Variants in LPCAT1 observed in about 807,000 individuals in gnomAD.
LPCAT1 encodes the protein lysophosphatidylcholine acyltransferase 1, also known as 1-acylglycerol-3-phosphate O-acyltransferase.
LPCAT1 carries 23 observed loss-of-function variants against 60.9 expected under a neutral mutation model. The observed-to-expected ratio is 0.38, with a 90% CI of 0.27 to 0.53. The LOEUF is 0.53. LPCAT1 is among the 20% of genes least tolerant of loss of function. LPCAT1 has a pLI of 0.82. For synonymous variants in LPCAT1, 340 were observed against 301.1 expected (o/e 1.13, Z -1.34); for missense variants, 622 against 723.6 (o/e 0.86, Z 1.61).
In LPCAT1 at chr5:1,483,374, TC is replaced by T; in HGVS notation, c.726+53del. Reference sequence around the variant, plus strand: ...CAGGTGCACAGAGGCAGCTCGCAGTTCCCGTTTCCCGGAGAATTCCCCTGGA... The same window carrying T: ...CAGGTGCACAGAGGCAGCTCGCAGTTCCGTTTCCCGGAGAATTCCCCTGGA... On this transcript the variant is annotated intron_variant, in intron 6 of 13. Transcript: ENST00000283415. This position sits in a 1 kb window ranked among gnomAD's most constrained non-coding sequence, Gnocchi z 9.2. The T allele has an allele frequency of 6.3e-7, 1 of 1,575,372 alleles. No individual in the cohort carries two copies. Among genetic ancestry groups the T allele is most frequent in the Non-Finnish European group, 8.7e-7 (1 of 1,145,574 alleles).
rs866784511 is a variant in LPCAT1, at chr5:1,483,935, C to T, written c.668-449G>A. The stretch of plus-strand genomic sequence containing the variant: ...GGAGGGACACTTTCTGCTGTAACAT[C>T]GCGCACCAGCTGGAAGGCGTTGGTG... On this transcript the variant is annotated intron_variant, in intron 5 of 13. Coordinates refer to ENST00000283415, the MANE Select transcript of LPCAT1 (RefSeq NM_024830.5). This position sits in a 1 kb window ranked among gnomAD's most constrained non-coding sequence, Gnocchi z 9.2. Among the ~76,000 whole-genome samples, 10 of 152,030 alleles carry T rather than the reference C, an allele frequency of 6.6e-5. No homozygotes were observed. Among genetic ancestry groups the T allele is most frequent in the Non-Finnish European group, 8.8e-5 (6 of 67,912 alleles).
chr5:1,501,443 G>T lies in LPCAT1; in HGVS notation c.278+18C>A, dbSNP rs368299729. ...TGACCCCCCCCCAGGAGGAGAGCAC[G>T]GCACACGCGCAACTTACTTCCTCCA... On this transcript the variant is annotated intron_variant, in intron 2 of 13. Coordinates refer to ENST00000283415, the MANE Select transcript of LPCAT1 (RefSeq NM_024830.5). 1 of 1,598,426 alleles carries T rather than the reference G, an allele frequency of 6.3e-7. No homozygotes were observed. The highest frequency in any genetic ancestry group is 8.5e-7 in the Non-Finnish European group (1 of 1,173,060).
intron 7 of LPCAT1, among the ~76,000 whole-genome samples, chr5:1,479,961 C>T (rs182329279): frequency 2.1e-3 from 315 of 152,032 alleles, no homozygotes; most frequent in Middle Eastern, 0.01. Context: ...CCTCGTACAG[C>T]CCACACCTGT....
rs1734095073 is a variant in LPCAT1 at position 1,461,604 on chromosome 5, C to G, written c.*2047G>C. 1 of 152,790 alleles carries G rather than the reference C, an allele frequency of 6.5e-6. No homozygotes were observed. The highest frequency in any genetic ancestry group is 1.5e-5 in the Non-Finnish European group (1 of 68,076). 9.5% of individuals were successfully genotyped at this position (152,790 alleles called of 1,614,324 possible). ...GGCCCGCTGCGTCCTGTCTCACACA[C>G]AAGGGGTTTAACTCAACGCTATGTA... On this transcript the variant is annotated 3_prime_UTR_variant, in exon 14 of 14. Coordinates refer to ENST00000283415, the MANE Select transcript of LPCAT1 (RefSeq NM_024830.5).
In LPCAT1 at chr5:1,501,583, C is replaced by G. The variant is rs139981388; in HGVS notation, c.156G>C (p.Thr52=). Residue 52 remains threonine, a synonymous_variant, in exon 2 of 14, where the codon ACG becomes ACC. Transcript: ENST00000283415. ...QKAQVALMTL[T]LFPVRLLVAA... is the part of the protein sequence containing the mutation. ...CAACCAGGAGCCGGACCGGGAAGAG[C>G]GTCAGTGTCATGAGGGCCACCTGCA... The G allele has an allele frequency of 6.4e-5, 103 of 1,613,836 alleles. No individual in the cohort carries two copies. In the African/African-American group the frequency reaches 1.1e-3, roughly 17 times the overall value.
chr5:1,469,429 C>G (rs993529851), intron 12 of LPCAT1, among the ~76,000 whole-genome samples: 1 of 152,234 alleles, frequency 6.6e-6, no homozygotes, highest in African/African-American at 2.4e-5. Context: ...GCCACCCCCA[C>G]CGCTGCTGTC....
intron 5 of LPCAT1, among the ~76,000 whole-genome samples, chr5:1,485,369 A>G (rs1408610071): frequency 6.6e-6 from 1 of 152,160 alleles, no homozygotes; most frequent in Non-Finnish European, 1.5e-5. Flanking sequence ...AGCACTGTGC[A>G]CCCAAGGCAG....
chr5:1,464,550 G>A (rs1350936250), intron 13 of LPCAT1, among the ~76,000 whole-genome samples: 3 of 152,134 alleles, frequency 2.0e-5, no homozygotes, highest in Non-Finnish European at 2.9e-5. Context: ...ACAAGCGCAC[G>A]CATGCACACA....
intron 1 of LPCAT1, among the ~76,000 whole-genome samples, chr5:1,515,995 G>T (rs1340907021): frequency 6.6e-6 from 1 of 152,274 alleles, no homozygotes; most frequent in Non-Finnish European, 1.5e-5. Context: ...GGCAGGGGCT[G>T]TGGGCCCTGG....
chr5:1,511,577 C>G (rs1009630198), intron 1 of LPCAT1, among the ~76,000 whole-genome samples: 2 of 152,074 alleles, frequency 1.3e-5, no homozygotes, highest in South Asian at 2.1e-4. Context: ...CCTCGCTCAC[C>G]CTACGTGGGG....
chr5:1,500,657 G>A (rs547078239), intron 2 of LPCAT1, among the ~76,000 whole-genome samples: 1 of 152,250 alleles, frequency 6.6e-6, no homozygotes, highest in Non-Finnish European at 1.5e-5. Context: ...TGGCCCTGGG[G>A]AGCAGGCCCA....
chr5:1,513,417 C>G (rs959497609), intron 1 of LPCAT1, among the ~76,000 whole-genome samples: 1 of 152,188 alleles, frequency 6.6e-6, no homozygotes, highest in East Asian at 1.9e-4. Flanking sequence ...GAGGGCTCAG[C>G]TCCTGCAAGG....
rs1735758769 is a variant in LPCAT1, at chr5:1,495,546, A to T, written c.279-632T>A. Among the ~76,000 whole-genome samples, 2 of 152,286 alleles carry T rather than the reference A, an allele frequency of 1.3e-5. No individual in the cohort carries two copies. Among genetic ancestry groups the T allele is most frequent in the South Asian group, 4.1e-4 (2 of 4,824 alleles). On this transcript the variant is annotated intron_variant, in intron 2 of 13. Transcript: ENST00000283415. The surrounding 1 kb of genome is among the most constrained non-coding windows in gnomAD (Gnocchi z 4.7). ...TTGTGTACTCTTTATCTCTTTTTAA[A>T]ATAGGTACAAATTTAGCCTTTTAAA...
chr5:1,467,542 T>G (rs989008878), intron 12 of LPCAT1, among the ~76,000 whole-genome samples: 1 of 152,078 alleles, frequency 6.6e-6, no homozygotes, highest in African/African-American at 2.4e-5. Context: ...CCGAGGCGCC[T>G]GCCGCCCGCT....
intron 1 of LPCAT1, among the ~76,000 whole-genome samples, chr5:1,513,728 C>T (rs1474307639): frequency 2.0e-5 from 3 of 149,810 alleles, no homozygotes; most frequent in African/African-American, 7.4e-5. Context: ...CAGGCTCTCA[C>T]CCGTGGGGCG....
In LPCAT1 at chr5:1,463,083, T is replaced by G. The variant is rs1236743269; in HGVS notation, c.*568A>C. 1 of 152,286 alleles carries G rather than the reference T, an allele frequency of 6.6e-6. No individual in the cohort carries two copies. The highest frequency in any genetic ancestry group is 2.1e-4 in the South Asian group (1 of 4,834). The allele number at this position is 152,286 out of a possible 1,614,324, so 9.4% of individuals were successfully genotyped here. On this transcript the variant is annotated 3_prime_UTR_variant, in exon 14 of 14. Coordinates refer to ENST00000283415, the MANE Select transcript of LPCAT1 (RefSeq NM_024830.5). ...AATGAAGTAGAAAAACAATTTTCAT[T>G]TTTTAAAAAATGCTGCATGTTTCCT...
intron 12 of LPCAT1, 21 bp from the exon 13 acceptor site, chr5:1,466,911 CA>C (rs1187933017): frequency 1.3e-6 from 2 of 1,542,598 alleles, no homozygotes; most frequent in Admixed American, 3.6e-5. Context: ...AACTGGGTGT[CA>C]CCTTGCAGCC....
Position 1,521,288 on chromosome 5 carries a change from A to AG in LPCAT1, c.135+2421_135+2422insC, listed in dbSNP as rs1378395306. The AG allele has an allele frequency of 2.0e-6, 2 of 979,876 alleles. No homozygotes were observed. The highest frequency in any genetic ancestry group is 3.5e-5 in the African/African-American group (2 of 57,118). 60.7% of individuals were successfully genotyped at this position (979,876 alleles called of 1,614,324 possible). On this transcript the variant is annotated intron_variant, in intron 1 of 13. Coordinates refer to ENST00000283415, the MANE Select transcript of LPCAT1 (RefSeq NM_024830.5). This position sits in a 1 kb window ranked among gnomAD's most constrained non-coding sequence, Gnocchi z 4.3. ...GGTGTCCCCGCATGGCGCTAATCCG[A>AG]AGACACACAGCAGCCCCTCCCAGGC...
In LPCAT1 at chr5:1,488,401, G is replaced by A. The variant is rs1401474951; in HGVS notation, c.657C>T (p.Thr219=). 1.3e-6 allele frequency: 2 copies of A among 1,584,988 alleles called. No homozygotes were observed. The highest frequency in any genetic ancestry group is 8.6e-7 in the Non-Finnish European group (1 of 1,167,260). Residue 219 remains threonine, a synonymous_variant, in exon 5 of 14, where the codon ACC becomes ACT. Transcript: ENST00000283415. ...GTCTNRTCLI[T]FKPGAFIPGA... ...AAGAAAACTACATACCAGGTTTGAA[G>A]GTAATTAGGCAGGTCCTGTTTGTAC...
Sources: gnomAD v4.1 joint callset for allele counts (sites outside exome capture counted in the v4.1 genomes callset) on GRCh38, gnomAD v4.1.1 for gene constraint, Gnocchi (gnomAD v3.1) non-coding constraint, MANE v1.5 for transcripts, NCBI Gene and HGNC (gene_info 2026-07-23, HGNC 2026-07-21) for gene names.